Variants in PIGL observed in about 807,000 individuals in gnomAD.
The protein encoded by PIGL is phosphatidylinositol glycan anchor biosynthesis class L.
PIGL carries 22 observed loss-of-function variants against 31.1 expected under a neutral mutation model. The ratio of observed to expected loss-of-function variants is 0.71; its 90% CI spans 0.51 to 1.01. PIGL has a LOEUF of 1.01. Ranked by LOEUF, PIGL falls within the 50% of genes least tolerant of loss-of-function variation. The pLI is 0.00. For missense variants in PIGL, 302 were observed against 315.9 expected, an observed-to-expected ratio of 0.96 and a Z score of 0.33; for synonymous variants, 131 against 117.4, an observed-to-expected ratio of 1.12 and a Z score of -0.75.
At chr17:16,276,296 G>A (rs918615906) in intron 2 of PIGL, among the ~76,000 whole-genome samples, 1 of 152,158 alleles carries the variant, frequency 6.6e-6, no homozygotes, top group African/African-American at 2.4e-5. Flanking sequence ...TCCAATATGT[G>A]CCCAGAATTA....
chr17:16,224,806 G>A (rs2092644853), intron 1 of PIGL, among the ~76,000 whole-genome samples: 1 of 152,084 alleles, frequency 6.6e-6, no homozygotes, highest in South Asian at 2.1e-4. Flanking sequence ...ACGGGCATGT[G>A]CCACCATGCC....
chr17:16,268,408 A>AT (rs1439331130), intron 2 of PIGL, among the ~76,000 whole-genome samples: 1 of 152,154 alleles, frequency 6.6e-6, no homozygotes, highest in Non-Finnish European at 1.5e-5. Context: ...CCTAATAATT[A>AT]TCATAGCTGA....
Position 16,317,701 on chromosome 17 carries a change from G to A in PIGL, c.527-74G>A, listed in dbSNP as rs1166904942. 61 of 1,602,558 alleles carry A rather than the reference G, an allele frequency of 3.8e-5. No homozygotes were observed. The Middle Eastern group carries it at 6.6e-4, about 17-fold the overall frequency. On this transcript the variant is annotated intron_variant, in intron 5 of 6. Transcript: ENST00000225609. ...GCCCTGCCCTGAGCCACAGGGTAGA[G>A]GGAGGATGCTCAGGGGAAAATCTGG... is the stretch of plus-strand genomic sequence containing the variant.
rs34518917 is a variant in PIGL at position 16,323,609 on chromosome 17, C to CT, written c.661-2170dup. On this transcript the variant is annotated intron_variant, in intron 6 of 6. Coordinates refer to ENST00000225609, the MANE Select transcript of PIGL (RefSeq NM_004278.4). ...AGTGAATGGTTTTCGTAACACTGAT[C>CT]TTTTTTTTTTTTTTTTTTTTTGAGA... Among the ~76,000 whole-genome samples the CT allele has an allele frequency of 8.7e-3, 843 of 96,792 alleles. 15 individuals carry two copies. The highest frequency in any genetic ancestry group is 0.015 in the African/African-American group (356 of 24,420). The allele number at this position is 96,792 out of a possible 152,430, so 63.5% of individuals were successfully genotyped here. A position where few individuals can be genotyped will look rare whatever the true frequency, so the allele number is the denominator to read the frequency against.
At chr17:16,243,167 C>T (rs2142706799) in intron 2 of PIGL, among the ~76,000 whole-genome samples, 1 of 152,272 alleles carries the variant, frequency 6.6e-6, no homozygotes, top group Middle Eastern at 3.4e-3. Context: ...TCTCCTGCCT[C>T]AGCCTCCCAA....
At position 16,299,379 on chromosome 17, in the gene PIGL, G is replaced by T. The variant is rs11871194; in HGVS notation, c.336-509G>T. Among the ~76,000 whole-genome samples, 990 of 151,584 alleles carry T rather than the reference G, an allele frequency of 6.5e-3. 14 individuals carry two copies. Among genetic ancestry groups the T allele is most frequent in the African/African-American group, 0.023 (956 of 41,284 alleles). On this transcript the variant is annotated intron_variant, in intron 2 of 6. Transcript: ENST00000225609. Reference sequence around the variant, plus strand: ...CTGAGGCAGGAACCCCGGAGGCAAAGGTTGTAGTGAGCCGAGATCTCACCA... The same window carrying T: ...CTGAGGCAGGAACCCCGGAGGCAAATGTTGTAGTGAGCCGAGATCTCACCA...
At chr17:16,296,771 C>T (rs575011696) in intron 2 of PIGL, among the ~76,000 whole-genome samples, 1 of 151,864 alleles carries the variant, frequency 6.6e-6, no homozygotes, top group East Asian at 1.9e-4. Context: ...GGCTGGAGTG[C>T]AGTGGCACGG....
At chr17:16,223,061 G>A (rs1006463225) in intron 1 of PIGL, among the ~76,000 whole-genome samples, 2 of 152,230 alleles carry the variant, frequency 1.3e-5, no homozygotes, top group South Asian at 2.1e-4. Context: ...CAAGTTTGGA[G>A]AATAGCCAGA....
At position 16,315,211 on chromosome 17, in the gene PIGL, C is replaced by T. The variant is rs370338103; in HGVS notation, c.495-1470C>T. ...GCTGGAGTGCCACAGGCTCTCAGCACGAAGGAGGGCCACTGTGCTTCAGAT... is the reference window on the plus strand; with the variant it reads ...GCTGGAGTGCCACAGGCTCTCAGCATGAAGGAGGGCCACTGTGCTTCAGAT... On this transcript the variant is annotated intron_variant, in intron 4 of 6. Transcript: ENST00000225609. 3.0e-4 allele frequency among the ~76,000 whole-genome samples: 46 copies of T among 152,300 alleles called. No individual in the cohort carries two copies. The East Asian group carries it at 4.2e-3, about 14-fold the overall frequency.
chr17:16,285,532 GC>G (rs1487772808), intron 2 of PIGL, among the ~76,000 whole-genome samples: 4 of 151,846 alleles, frequency 2.6e-5, no homozygotes, highest in Non-Finnish European at 5.9e-5. Context: ...TTGCGCCACT[GC>G]TCTCCAGCCT....
intron 6 of PIGL, 105 bp downstream of exon 6, chr17:16,318,013 A>G: frequency 3.2e-6 from 3 of 932,118 alleles, no homozygotes; most frequent in Non-Finnish European, 5.1e-6. Flanking sequence ...GGTTTTTCAC[A>G]GTGGTTCAGC....
chr17:16,299,993 C>T lies in PIGL; in HGVS notation c.426+15C>T. 1 of 1,601,882 alleles carries T rather than the reference C, an allele frequency of 6.2e-7. No individual in the cohort carries two copies. The highest frequency in any genetic ancestry group is 1.3e-5 in the African/African-American group (1 of 74,808). ...GCATCAATCTGGTAAGGGGGCAGCT[C>T]CCTGAATGGAAAACCTGAGGTCTTG... On this transcript the variant is annotated intron_variant, in intron 3 of 6. Transcript: ENST00000225609.
At chr17:16,268,351 TCTGTTGCCA>T (rs1487716446) in intron 2 of PIGL, among the ~76,000 whole-genome samples, 3 of 141,848 alleles carry the variant, frequency 2.1e-5, no homozygotes, top group African/African-American at 7.4e-5. Flanking sequence ...CCATTTCCCT[TCTGTTGCCA>T]CTTCCTCTTC....
At chr17:16,317,998 C>T in intron 6 of PIGL, 90 bp downstream of exon 6, 1 of 1,159,656 alleles carries the variant, frequency 8.6e-7, no homozygotes, top group Non-Finnish European at 1.3e-6. Context: ...GAAGCCCTAA[C>T]TGAAGGTTTT....
At chr17:16,309,708 C>G (rs1049629407) in intron 3 of PIGL, among the ~76,000 whole-genome samples, 9 of 150,454 alleles carry the variant, frequency 6.0e-5, no homozygotes, top group Non-Finnish European at 1.3e-4. Context: ...TTGCAGTGAG[C>G]CGAGAAATTG....
rs2093126147 is a variant in PIGL, at chr17:16,326,055, A to G, written c.*157A>G. ...AGCCCATGTAGGCCAGGGGCTGTCC[A>G]AACTCCAGCTTCTTCCCCTGGGAAA... is the stretch of plus-strand genomic sequence containing the variant. On this transcript the variant is annotated 3_prime_UTR_variant, in exon 7 of 7. Transcript: ENST00000225609. The G allele has an allele frequency of 1.7e-6, 1 of 584,112 alleles. No individual in the cohort carries two copies. Among genetic ancestry groups the G allele is most frequent in the Non-Finnish European group, 3.0e-6 (1 of 331,680 alleles). The allele number at this position is 584,112 out of a possible 1,614,324, so 36.2% of individuals were successfully genotyped here. A position where few individuals can be genotyped will look rare whatever the true frequency, so the allele number is the denominator to read the frequency against.
chr17:16,248,035 G>A (rs757612855), intron 2 of PIGL, among the ~76,000 whole-genome samples: 22 of 151,984 alleles, frequency 1.4e-4, no homozygotes, highest in Non-Finnish European at 2.5e-4. Context: ...TTACAGGCGC[G>A]CACCACCACA....
At chr17:16,277,183 A>G (rs546129143) in intron 2 of PIGL, among the ~76,000 whole-genome samples, 1 of 152,330 alleles carries the variant, frequency 6.6e-6, no homozygotes, top group Non-Finnish European at 1.5e-5. Flanking sequence ...AGGGGCTTTT[A>G]TTGGCACTGT....
At chr17:16,277,495 A>G (rs1404755276) in intron 2 of PIGL, among the ~76,000 whole-genome samples, 1 of 150,300 alleles carries the variant, frequency 6.7e-6, no homozygotes, top group Non-Finnish European at 1.5e-5. Context: ...AGAAAGGATC[A>G]GCAACGTTTT....
Sources: gnomAD v4.1 joint callset for allele counts (sites outside exome capture counted in the v4.1 genomes callset) on GRCh38, gnomAD v4.1.1 for gene constraint, MANE v1.5 for transcripts, NCBI Gene and HGNC (gene_info 2026-07-23, HGNC 2026-07-21) for gene names.